The following LRP1B variants were observed in gnomAD, a reference collection of about 807,000 sequenced individuals.
The protein encoded by LRP1B is low-density lipoprotein receptor-related protein 1B.
In LRP1B, 217 loss-of-function variants were observed where a neutral mutation model predicts 556.6. The observed-to-expected ratio is 0.39, with a 90% CI of 0.35 to 0.44. LRP1B has a LOEUF of 0.44. Among genes scored for constraint, LRP1B ranks in the 20% least tolerant of loss-of-function variants. The pLI is 1.00. For synonymous variants in LRP1B, 2,047 were observed against 1,865.8 expected (o/e 1.10, Z -2.50); for missense variants, 5,053 against 5,620.8 (o/e 0.90, Z 3.23).
At chr2:142,072,967 C>A (rs1308123989) in intron 1 of LRP1B, among the ~76,000 whole-genome samples, 2 of 151,998 alleles carry the variant, frequency 1.3e-5, no homozygotes, top group Non-Finnish European at 2.9e-5. Context: ...GCTCTTGCAT[C>A]CTGTGAAATT....
At chr2:141,139,561 T>C (rs1701579555) in intron 7 of LRP1B, among the ~76,000 whole-genome samples, 1 of 151,794 alleles carries the variant, frequency 6.6e-6, no homozygotes, top group African/African-American at 2.4e-5. Context: ...GCAAAGGGAA[T>C]ATATGAATGG....
intron 2 of LRP1B, among the ~76,000 whole-genome samples, chr2:141,680,650 C>T (rs756818904): frequency 2.7e-4 from 41 of 152,058 alleles, no homozygotes; most frequent in East Asian, 1.9e-4. Flanking sequence ...ATAGAGGGAA[C>T]AGAAGGGACA....
intron 7 of LRP1B, among the ~76,000 whole-genome samples, chr2:141,078,780 A>G (rs1454991222): frequency 6.6e-6 from 1 of 152,202 alleles, no homozygotes; most frequent in Non-Finnish European, 1.5e-5. Flanking sequence ...CAAATGGTAA[A>G]CAAAGACTGC....
chr2:142,053,791 A>G (rs1474695686), intron 1 of LRP1B, among the ~76,000 whole-genome samples: 3 of 152,172 alleles, frequency 2.0e-5, no homozygotes, highest in African/African-American at 7.2e-5. Flanking sequence ...GCTGCTGGAT[A>G]TACTCCATCG....
intron 3 of LRP1B, among the ~76,000 whole-genome samples, chr2:141,385,076 T>C (rs1007334928): frequency 1.3e-5 from 2 of 152,130 alleles, no homozygotes; most frequent in African/African-American, 2.4e-5. Flanking sequence ...TGGGGCTGGT[T>C]TTCCCAACAC....
chr2:141,221,138 G>A (rs1251463754), intron 6 of LRP1B, among the ~76,000 whole-genome samples: 1 of 152,106 alleles, frequency 6.6e-6, no homozygotes, highest in Admixed American at 6.5e-5. Context: ...ACCCATTGAT[G>A]TGCTGTATTC....
At chr2:141,476,358 T>C (rs1429922567) in intron 3 of LRP1B, among the ~76,000 whole-genome samples, 1 of 152,334 alleles carries the variant, frequency 6.6e-6, no homozygotes, top group East Asian at 1.9e-4. Flanking sequence ...TATGGTTGTG[T>C]GCATTTCTGT....
chr2:141,476,822 T>A (rs1682722050), intron 3 of LRP1B, among the ~76,000 whole-genome samples: 1 of 152,058 alleles, frequency 6.6e-6, no homozygotes, highest in Admixed American at 6.6e-5. Flanking sequence ...TTTTGGATCC[T>A]CTTCTGAAAA....
intron 1 of LRP1B, among the ~76,000 whole-genome samples, chr2:141,895,540 A>G (rs765982462): frequency 2.0e-5 from 3 of 152,246 alleles, no homozygotes; most frequent in Non-Finnish European, 4.4e-5. Flanking sequence ...GAATAGCAGA[A>G]CATTAGTGAG....
chr2:140,884,693 T>G (rs574933150), intron 24 of LRP1B, among the ~76,000 whole-genome samples: 3 of 152,258 alleles, frequency 2.0e-5, no homozygotes, highest in Non-Finnish European at 4.4e-5. Flanking sequence ...TGAATTTCTT[T>G]CACAATTTAA....
intron 2 of LRP1B, among the ~76,000 whole-genome samples, chr2:141,682,228 T>C (rs1691130570): frequency 6.6e-6 from 1 of 152,078 alleles, no homozygotes; most frequent in Non-Finnish European, 1.5e-5. Context: ...TGCAATAGTA[T>C]TTGCAATGCT....
At chr2:141,746,996 A>T (rs1199729728) in intron 2 of LRP1B, among the ~76,000 whole-genome samples, 1 of 152,192 alleles carries the variant, frequency 6.6e-6, no homozygotes. Flanking sequence ...TGTTAAAAAA[A>T]ATCTGAAAAG....
chr2:141,334,901 G>T (rs1242829819), intron 3 of LRP1B, among the ~76,000 whole-genome samples: 1 of 152,118 alleles, frequency 6.6e-6, no homozygotes, highest in Non-Finnish European at 1.5e-5. Context: ...AGCTTACTGA[G>T]TAAGGCTACT....
At chr2:141,898,297 G>C (rs969583535) in intron 1 of LRP1B, among the ~76,000 whole-genome samples, 1 of 152,014 alleles carries the variant, frequency 6.6e-6, no homozygotes, top group Non-Finnish European at 1.5e-5. Context: ...TTCCTCCTCT[G>C]GAAGGATATC....
chr2:140,267,827 A>T (rs1451898109), intron 86 of LRP1B, among the ~76,000 whole-genome samples: 1 of 152,084 alleles, frequency 6.6e-6, no homozygotes, highest in East Asian at 1.9e-4. Context: ...AAAGTAGGAG[A>T]GGTTGCTCTA....
chr2:140,506,707 T>A, intron 53 of LRP1B, 89 bp downstream of exon 53: 1 of 1,376,806 alleles, frequency 7.3e-7, no homozygotes, highest in Non-Finnish European at 1.0e-6. Flanking sequence ...AGAAATGTGT[T>A]GCTTGTTGCT....
chr2:140,709,271 G>T (rs17572252), intron 37 of LRP1B, among the ~76,000 whole-genome samples: 7,165 of 152,144 alleles, frequency 0.047, 254 homozygotes, highest in South Asian at 0.095. Context: ...ACCATGGGAA[G>T]TTAATCAAAA....
intron 86 of LRP1B, among the ~76,000 whole-genome samples, chr2:140,264,783 T>C (rs548386233): frequency 1.3e-5 from 2 of 151,870 alleles, no homozygotes; most frequent in African/African-American, 4.8e-5. Context: ...TAGTTTGAGA[T>C]GTTAAGTCCA....
intron 6 of LRP1B, among the ~76,000 whole-genome samples, chr2:141,208,730 G>A (rs750099064): frequency 4.9e-4 from 74 of 151,716 alleles, no homozygotes; most frequent in Non-Finnish European, 7.8e-4. Context: ...TTAGCTGGGC[G>A]TAGTGGCAGG....
Sources: gnomAD v4.1 joint callset for allele counts (sites outside exome capture counted in the v4.1 genomes callset) on GRCh38, gnomAD v4.1.1 for gene constraint, MANE v1.5 for transcripts, NCBI Gene and HGNC (gene_info 2026-07-23, HGNC 2026-07-21) for gene names.